BACE2: variants seen among roughly 807,000 people sequenced by gnomAD.
BACE2 encodes beta-secretase 2.
BACE2 carries 17 observed loss-of-function variants against 46.2 expected under a neutral mutation model. The ratio of observed to expected loss-of-function variants is 0.37; its 90% CI spans 0.25 to 0.55. BACE2 has a LOEUF of 0.55. Among genes scored for constraint, BACE2 ranks in the 20% least tolerant of loss-of-function variants. BACE2 has a pLI of 0.82. For synonymous variants in BACE2, 277 were observed against 295.9 expected (o/e 0.94, Z 0.66); for missense variants, 595 against 698.1 (o/e 0.85, Z 1.66).
At chr21:41,191,607 G>A (rs1435227588) in intron 1 of BACE2, among the ~76,000 whole-genome samples, 4 of 152,194 alleles carry the variant, frequency 2.6e-5, no homozygotes, top group African/African-American at 7.2e-5. Flanking sequence ...AGGACTCGGT[G>A]TTGGTCTCTG....
intron 4 of BACE2, 26 bp from the exon 5 acceptor site, chr21:41,243,350 A>T (rs904537893): frequency 6.4e-7 from 1 of 1,560,378 alleles, no homozygotes; most frequent in Non-Finnish European, 8.7e-7. Context: ...TTTTTCTCTT[A>T]TACCTGTAAA....
intron 5 of BACE2, among the ~76,000 whole-genome samples, chr21:41,244,078 C>T (rs2837981): frequency 0.68 from 103,419 of 152,010 alleles, 36,181 homozygotes; most frequent in East Asian, 0.91. Flanking sequence ...TCACTGAGTT[C>T]TGGCTTGTTC....
chr21:41,236,300 T>A (rs1483395479), intron 2 of BACE2, among the ~76,000 whole-genome samples: 1 of 152,176 alleles, frequency 6.6e-6, no homozygotes, highest in East Asian at 1.9e-4. Context: ...TCAGGTCTCA[T>A]GCAAACATGG....
chr21:41,232,662 A>C (rs1360363273), intron 2 of BACE2, among the ~76,000 whole-genome samples: 1 of 151,968 alleles, frequency 6.6e-6, no homozygotes, highest in Admixed American at 6.6e-5. Flanking sequence ...CTCTTGCCCC[A>C]GCTCTCACCA....
chr21:41,224,144 G>C (rs928829920), intron 1 of BACE2, among the ~76,000 whole-genome samples: 1 of 151,764 alleles, frequency 6.6e-6, no homozygotes, highest in African/African-American at 2.4e-5. Context: ...CTAAACTGAG[G>C]TCCTTGGCAA....
chr21:41,241,653 G>C lies in BACE2; in HGVS notation c.619-166G>C, dbSNP rs1220792832. The C allele has an allele frequency of 2.3e-5, 16 of 683,876 alleles. No individual in the cohort carries two copies. In the South Asian group the frequency reaches 3.0e-4, roughly 13 times the overall value. The allele number at this position is 683,876 out of a possible 1,614,324, so 42.4% of individuals were successfully genotyped here. A position where few individuals can be genotyped will look rare whatever the true frequency, so the allele number is the denominator to read the frequency against. ...GCCAACCAGTGGGAAGCTCTGCTGG[G>C]GCTTTCTGAATTCCTAGACCCAATC... is the stretch of plus-strand genomic sequence containing the variant. On this transcript the variant is annotated intron_variant, in intron 3 of 8. Transcript: ENST00000330333.
At position 41,168,483 on chromosome 21, in the gene BACE2, G is replaced by A; in HGVS notation, c.220G>A (p.Ala74Thr). The A allele has an allele frequency of 7.2e-7, 1 of 1,387,590 alleles. No individual in the cohort carries two copies. The highest frequency in any genetic ancestry group is 9.4e-7 in the Non-Finnish European group (1 of 1,066,868). The allele number at this position is 1,387,590 out of a possible 1,614,324, so 86.0% of individuals were successfully genotyped here. A position where few individuals can be genotyped will look rare whatever the true frequency, so the allele number is the denominator to read the frequency against. The change falls in exon 1 of 9, where the codon GCC (alanine) becomes ACC (threonine). Residue 74 changes from alanine to threonine, a missense_variant. Around this residue, in one of 3 missense-constraint regions of BACE2, gnomAD observed 248 missense variants for 261.4 expected, o/e 0.95. Coordinates refer to ENST00000330333, the MANE Select transcript of BACE2 (RefSeq NM_012105.5). ...LEPALASPAG[A>T]ANFLAMVDNL... ...GCCTGCCCTGGCGTCCCCCGCGGGCGCCGCCAACTTCTTGGCCATGGTAGA... is the reference window on the plus strand; with the variant it reads ...GCCTGCCCTGGCGTCCCCCGCGGGCACCGCCAACTTCTTGGCCATGGTAGA...
Position 41,168,454 on chromosome 21 carries a change from T to C in BACE2, c.191T>C (p.Leu64Pro), listed in dbSNP as rs1188221428. 2.1e-6 allele frequency: 3 copies of C among 1,397,838 alleles called. No individual in the cohort carries two copies. The highest frequency in any genetic ancestry group is 6.7e-5 in the Admixed American group (2 of 30,056). The allele number at this position is 1,397,838 out of a possible 1,614,324, so 86.6% of individuals were successfully genotyped here. A position where few individuals can be genotyped will look rare whatever the true frequency, so the allele number is the denominator to read the frequency against. Residue 64 changes from leucine to proline, a missense_variant, in exon 1 of 9, where the codon CTG becomes CCG. Leu to Pro is a moderately conservative substitution (Grantham distance 98). Transcript: ENST00000330333. ...CACGCCGACGGCTTGGCGCTCGCCC[T>C]GGAGCCTGCCCTGGCGTCCCCCGCG... is the stretch of plus-strand genomic sequence containing the variant. ...ERHADGLALALEPALASPAGA... is the reference protein window; with the variant it reads ...ERHADGLALAPEPALASPAGA...
intron 3 of BACE2, among the ~76,000 whole-genome samples, chr21:41,238,831 C>A (rs13050664): frequency 1.4e-3 from 206 of 148,216 alleles, no homozygotes; most frequent in Non-Finnish European, 1.8e-3. Context: ...GAGGGATAGC[C>A]TTGGGAGATA....
chr21:41,226,386 G>A, intron 2 of BACE2, 32 bp downstream of exon 2: 1 of 1,579,906 alleles, frequency 6.3e-7, no homozygotes, highest in Non-Finnish European at 8.6e-7. Flanking sequence ...GGTGTGCTGG[G>A]CCGGGGCACT....
At chr21:41,232,695 C>T (rs996249737) in intron 2 of BACE2, among the ~76,000 whole-genome samples, 19 of 152,214 alleles carry the variant, frequency 1.2e-4, no homozygotes, top group African/African-American at 3.1e-4. Context: ...TGTCCCCCTT[C>T]GCCCTCCACC....
chr21:41,237,431 G>A, intron 2 of BACE2, 82 bp from the exon 3 acceptor site: 1 of 1,073,404 alleles, frequency 9.3e-7, no homozygotes, highest in African/African-American at 1.6e-5. Context: ...GGGTGACAGA[G>A]CAAGACTCCG....
At chr21:41,200,457 G>A (rs1056690852) in intron 1 of BACE2, among the ~76,000 whole-genome samples, 1 of 152,180 alleles carries the variant, frequency 6.6e-6, no homozygotes, top group Non-Finnish European at 1.5e-5. Flanking sequence ...TGTTACTATG[G>A]ATGTCGGATT....
At chr21:41,191,169 G>A (rs564540399) in intron 1 of BACE2, among the ~76,000 whole-genome samples, 3 of 152,256 alleles carry the variant, frequency 2.0e-5, no homozygotes, top group African/African-American at 4.8e-5. Flanking sequence ...GAGCATACAC[G>A]GCCTTCTGGA....
chr21:41,274,499 A>C (rs1228889551), intron 8 of BACE2, among the ~76,000 whole-genome samples: 1 of 152,190 alleles, frequency 6.6e-6, no homozygotes, highest in Non-Finnish European at 1.5e-5. Flanking sequence ...ATGGGTAATG[A>C]GGCCTATTTC....
At chr21:41,273,290 G>T (rs1019546722) in intron 8 of BACE2, among the ~76,000 whole-genome samples, 1 of 152,166 alleles carries the variant, frequency 6.6e-6, no homozygotes, top group African/African-American at 2.4e-5. Flanking sequence ...CAGACAACTG[G>T]TCTGACCAAA....
intron 2 of BACE2, among the ~76,000 whole-genome samples, chr21:41,228,650 T>C (rs1321338886): frequency 1.3e-5 from 2 of 152,112 alleles, no homozygotes; most frequent in African/African-American, 4.8e-5. Flanking sequence ...CAGTCATTAT[T>C]ATGGGCAAGG....
intron 7 of BACE2, among the ~76,000 whole-genome samples, chr21:41,251,444 C>G (rs918372732): frequency 2.0e-5 from 3 of 152,180 alleles, no homozygotes; most frequent in Admixed American, 1.3e-4. Flanking sequence ...AAAGGGAAGA[C>G]CTGGAGACAT....
At chr21:41,240,418 A>G (rs1362840986) in intron 3 of BACE2, among the ~76,000 whole-genome samples, 10 of 152,226 alleles carry the variant, frequency 6.6e-5, no homozygotes, top group Admixed American at 3.9e-4. Context: ...TGACAGAATG[A>G]TTGCAGCTCC....
Sources: gnomAD v4.1 joint callset for allele counts (sites outside exome capture counted in the v4.1 genomes callset) on GRCh38, gnomAD v4.1.1 for gene constraint, gnomAD v4.1.1 regional missense constraint, MANE v1.5 for transcripts, NCBI Gene and HGNC (gene_info 2026-07-23, HGNC 2026-07-21) for gene names.